GAREM1: variants seen among roughly 807,000 people sequenced by gnomAD.
The protein encoded by GAREM1 is GRB2 associated regulator of MAPK1 subtype 1.
GAREM1 carries 26 observed loss-of-function variants against 71.3 expected under a neutral mutation model. That is an observed-to-expected ratio of 0.36 (90% confidence interval 0.27 to 0.51). GAREM1 has a LOEUF of 0.51. GAREM1 is among the 20% of genes least tolerant of loss of function. The pLI is 0.95. For synonymous variants in GAREM1, 440 were observed against 433.2 expected (o/e 1.02, Z -0.20); for missense variants, 1,026 against 1,103.1 (o/e 0.93, Z 0.99).
intron 1 of GAREM1, among the ~76,000 whole-genome samples, chr18:32,466,555 T>C (rs941455791): frequency 2.0e-5 from 3 of 152,162 alleles, no homozygotes; most frequent in African/African-American, 7.2e-5. Flanking sequence ...TTAGGAGGCA[T>C]AGAAGCAAAA....
chr18:32,306,904 A>G (rs2047261734), intron 3 of GAREM1, among the ~76,000 whole-genome samples: 1 of 152,050 alleles, frequency 6.6e-6, no homozygotes, highest in Non-Finnish European at 1.5e-5. Flanking sequence ...ATGCATATGA[A>G]TTCATTTCAC....
chr18:32,332,219 A>AAG (rs2047542826), intron 2 of GAREM1, among the ~76,000 whole-genome samples: 1 of 151,722 alleles, frequency 6.6e-6, no homozygotes, highest in Non-Finnish European at 1.5e-5. Flanking sequence ...GTCTTTGCCT[A>AAG]CCAGGTTTTA....
intron 3 of GAREM1, among the ~76,000 whole-genome samples, chr18:32,289,557 C>T (rs2047058917): frequency 6.6e-6 from 1 of 152,008 alleles, no homozygotes; most frequent in Non-Finnish European, 1.5e-5. Context: ...TATAGCTTAA[C>T]TATTAAAGTT....
chr18:32,299,683 G>A (rs1409335509), intron 3 of GAREM1, among the ~76,000 whole-genome samples: 1 of 152,090 alleles, frequency 6.6e-6, no homozygotes, highest in African/African-American at 2.4e-5. Context: ...ATGATGGGAT[G>A]TTGTTGATGT....
At chr18:32,373,616 GAA>G (rs2048006864) in intron 2 of GAREM1, among the ~76,000 whole-genome samples, 1 of 152,192 alleles carries the variant, frequency 6.6e-6, no homozygotes, top group African/African-American at 2.4e-5. Context: ...GCATCTGGAA[GAA>G]TACAATGCCA....
intron 2 of GAREM1, among the ~76,000 whole-genome samples, chr18:32,338,563 T>C (rs770657713): frequency 6.6e-6 from 1 of 152,234 alleles, no homozygotes; most frequent in Non-Finnish European, 1.5e-5. Context: ...CCATGATGCA[T>C]TAAACACCCT....
chr18:32,316,069 T>C (rs1404899274), intron 2 of GAREM1, among the ~76,000 whole-genome samples: 1 of 152,232 alleles, frequency 6.6e-6, no homozygotes, highest in Non-Finnish European at 1.5e-5. Flanking sequence ...AGGGTCCATA[T>C]TAAGCTGCAT....
intron 1 of GAREM1, among the ~76,000 whole-genome samples, chr18:32,464,504 A>G (rs1241195914): frequency 6.6e-6 from 1 of 152,130 alleles, no homozygotes; most frequent in African/African-American, 2.4e-5. Context: ...TAAAAAAGTA[A>G]AGTTCCTTTC....
At chr18:32,464,998 T>A (rs193191466) in intron 1 of GAREM1, among the ~76,000 whole-genome samples, 197 of 152,218 alleles carry the variant, frequency 1.3e-3, no homozygotes, top group African/African-American at 4.6e-3. Flanking sequence ...TAACGTCTAG[T>A]TTTCCTACAC....
At chr18:32,312,400 T>C (rs976053213) in intron 2 of GAREM1, among the ~76,000 whole-genome samples, 1 of 152,070 alleles carries the variant, frequency 6.6e-6, no homozygotes, top group Admixed American at 6.6e-5. Flanking sequence ...GGTGAGTGGG[T>C]GTCAAATGCT....
chr18:32,323,391 T>C (rs1479991172), intron 2 of GAREM1, among the ~76,000 whole-genome samples: 1 of 152,236 alleles, frequency 6.6e-6, no homozygotes, highest in African/African-American at 2.4e-5. Flanking sequence ...GGCTACTCTT[T>C]ACAGCTTTTA....
At chr18:32,335,109 G>A (rs1434421469) in intron 2 of GAREM1, among the ~76,000 whole-genome samples, 2 of 152,180 alleles carry the variant, frequency 1.3e-5, no homozygotes, top group Admixed American at 6.5e-5. Flanking sequence ...GTCCAAGGCT[G>A]ATTTCCAATA....
intron 2 of GAREM1, among the ~76,000 whole-genome samples, chr18:32,321,211 G>A (rs1184943313): frequency 6.6e-6 from 1 of 152,106 alleles, no homozygotes; most frequent in East Asian, 1.9e-4. Flanking sequence ...ACCAAGCCCA[G>A]ACTCCTCTGC....
At chr18:32,306,109 C>A (rs2047253526) in intron 3 of GAREM1, among the ~76,000 whole-genome samples, 1 of 152,150 alleles carries the variant, frequency 6.6e-6, no homozygotes, top group Non-Finnish European at 1.5e-5. Context: ...TATTTGCTTC[C>A]TATCAAGGCC....
chr18:32,450,148 T>C (rs1208950844), intron 1 of GAREM1, among the ~76,000 whole-genome samples: 1 of 152,212 alleles, frequency 6.6e-6, no homozygotes, highest in East Asian at 1.9e-4. Flanking sequence ...TTTTTAAAGA[T>C]ATTCTAATAT....
At chr18:32,413,160 G>A (rs2144686883) in intron 1 of GAREM1, 2 of 1,580,686 alleles carry the variant, frequency 1.3e-6, no homozygotes, top group East Asian at 2.2e-5. Context: ...CTCTTTAGGA[G>A]ACTCTGACTT....
At chr18:32,334,454 G>T (rs924076291) in intron 2 of GAREM1, among the ~76,000 whole-genome samples, 1 of 152,156 alleles carries the variant, frequency 6.6e-6, no homozygotes, top group Non-Finnish European at 1.5e-5. Flanking sequence ...CACAGGGAGT[G>T]GGGGGAGGAT....
chr18:32,421,102 A>G (rs1011045929), intron 1 of GAREM1, among the ~76,000 whole-genome samples: 1 of 152,222 alleles, frequency 6.6e-6, no homozygotes, highest in Non-Finnish European at 1.5e-5. Context: ...TAGCTGTTGT[A>G]TAATATTTAA....
At chr18:32,355,194 C>T (rs2047792180) in intron 2 of GAREM1, among the ~76,000 whole-genome samples, 1 of 152,014 alleles carries the variant, frequency 6.6e-6, no homozygotes, top group Non-Finnish European at 1.5e-5. Context: ...TATTGAAGAA[C>T]TTGTGTCTAA....
Sources: allele counts gnomAD v4.1 joint callset (sites outside exome capture counted in the v4.1 genomes callset), GRCh38; gene constraint gnomAD v4.1.1; transcripts MANE v1.5; gene names NCBI Gene and HGNC (gene_info 2026-07-23, HGNC 2026-07-21).